PCDHA9: variants seen among roughly 807,000 people sequenced by gnomAD.
PCDHA9 encodes protocadherin alpha-9.
PCDHA9 carries 62 observed loss-of-function variants against 62.0 expected under a neutral mutation model. The ratio of observed to expected loss-of-function variants is 1.00; its 90% CI spans 0.81 to 1.23. The LOEUF is 1.23. Ranked by LOEUF, PCDHA9 falls within the 50% of genes most tolerant of loss-of-function variation. The probability of loss-of-function intolerance (pLI) is 0.00; values close to 1 mark genes in which losing one functional copy is unlikely to be tolerated. For synonymous variants in PCDHA9, 557 were observed against 567.6 expected, an observed-to-expected ratio of 0.98 and a Z score of 0.27; for missense variants, 1,205 against 1,249.8, an observed-to-expected ratio of 0.96 and a Z score of 0.54.
chr5:140,990,852 A>T (rs1265916406), intron 3 of PCDHA9, among the ~76,000 whole-genome samples: 2 of 152,198 alleles, frequency 1.3e-5, no homozygotes, highest in Non-Finnish European at 1.5e-5. Context: ...TAGAGCCCTG[A>T]GGACATTGTA....
intron 1 of PCDHA9, among the ~76,000 whole-genome samples, chr5:140,922,406 G>C (rs1411149387): frequency 9.8e-5 from 15 of 152,288 alleles, no homozygotes; most frequent in African/African-American, 3.6e-4. Flanking sequence ...GGATTAAAAA[G>C]ATCTAGGTAC....
intron 1 of PCDHA9, among the ~76,000 whole-genome samples, chr5:140,933,279 C>T (rs992723234): frequency 6.6e-6 from 1 of 151,840 alleles, no homozygotes; most frequent in African/African-American, 2.4e-5. Flanking sequence ...TCATTTGGAA[C>T]TTGTTTTGGA....
At chr5:140,935,760 T>C (rs1320272382) in intron 1 of PCDHA9, among the ~76,000 whole-genome samples, 1 of 152,152 alleles carries the variant, frequency 6.6e-6, no homozygotes, top group Non-Finnish European at 1.5e-5. Flanking sequence ...TACACATTCT[T>C]CCCCACTTTG....
At chr5:140,967,547 A>T in intron 1 of PCDHA9, 1 of 1,613,890 alleles carries the variant, frequency 6.2e-7, no homozygotes, top group Non-Finnish European at 8.5e-7. Flanking sequence ...TGACCAGTCC[A>T]CTTATCGCGT....
At chr5:141,003,832 G>C (rs1261830894) in intron 3 of PCDHA9, among the ~76,000 whole-genome samples, 1 of 152,102 alleles carries the variant, frequency 6.6e-6, no homozygotes, top group Non-Finnish European at 1.5e-5. Flanking sequence ...TCTGCCTAAC[G>C]ATTCAGACCC....
intron 1 of PCDHA9, among the ~76,000 whole-genome samples, chr5:140,905,357 A>G (rs1280254509): frequency 1.3e-5 from 2 of 152,052 alleles, no homozygotes; most frequent in African/African-American, 4.8e-5. Flanking sequence ...GTATTTGACT[A>G]TATTTCTGGT....
At chr5:140,962,786 A>G (rs1377248587) in intron 1 of PCDHA9, among the ~76,000 whole-genome samples, 6 of 152,216 alleles carry the variant, frequency 3.9e-5, no homozygotes, top group African/African-American at 1.4e-4. Context: ...ATTTTTAAAA[A>G]CTACTTTGGA....
chr5:140,967,385 C>G (rs2096135382), intron 1 of PCDHA9: 1 of 1,608,920 alleles, frequency 6.2e-7, no homozygotes, highest in African/African-American at 1.3e-5. Flanking sequence ...CAGTAAAGTG[C>G]TTGAGCTGGT....
At chr5:140,979,051 G>C in intron 2 of PCDHA9, 44 bp downstream of exon 2, 1 of 1,609,534 alleles carries the variant, frequency 6.2e-7, no homozygotes, top group East Asian at 2.2e-5. Flanking sequence ...ACCTTAACTT[G>C]GTATGGCTCA....
rs2150465360 is a variant in PCDHA9, at chr5:140,850,060, C to T, written c.1565C>T (p.Pro522Leu). ...AGCGGCAAGGTGTACGCGCTGCAGCCGTTGGACCACGAGGAGCTGGAGCTG... is the reference window on the plus strand; with the variant it reads ...AGCGGCAAGGTGTACGCGCTGCAGCTGTTGGACCACGAGGAGCTGGAGCTG... ...AESGKVYALQ[P>L]LDHEELELLQ... The change falls in exon 1 of 4, where the codon CCG becomes CTG. Residue 522 changes from proline to leucine, a missense_variant. Physicochemically the swap from Pro to Leu is moderately conservative, Grantham distance 98 (BLOSUM62 -3). Coordinates refer to ENST00000532602, the MANE Select transcript of PCDHA9 (RefSeq NM_031857.2). 5.0e-6 allele frequency: 8 copies of T among 1,596,516 alleles called. No homozygotes were observed. The highest frequency in any genetic ancestry group is 4.5e-5 in the East Asian group (2 of 44,826).
At position 140,979,295 on chromosome 5, in the gene PCDHA9, C is replaced by A. The variant is rs180999093; in HGVS notation, c.2453+288C>A. Among the ~76,000 whole-genome samples, 27 of 152,270 alleles carry A rather than the reference C, an allele frequency of 1.8e-4. 1 individual carries two copies. The highest frequency in any genetic ancestry group is 4.1e-4 in the African/African-American group (17 of 41,558). ...TTCTACAGGGAAGTAATTTCAACCT[C>A]CTTCATCCCTCTCTACCTATGCTTT... On this transcript the variant is annotated intron_variant, in intron 2 of 3. Coordinates refer to ENST00000532602, the MANE Select transcript of PCDHA9 (RefSeq NM_031857.2).
At chr5:140,883,662 A>G (rs371713279) in intron 1 of PCDHA9, 3 of 1,613,586 alleles carry the variant, frequency 1.9e-6, no homozygotes, top group Non-Finnish European at 2.5e-6. Context: ...GTGTTCGTGA[A>G]GGAAAACAAT....
At position 140,966,988 on chromosome 5, in the gene PCDHA9, G is replaced by C. The variant is rs782004679; in HGVS notation, c.2395-11961G>C. 1.2e-5 allele frequency: 20 copies of C among 1,603,962 alleles called. No homozygotes were observed. The African/African-American group carries it at 2.1e-4, about 17-fold the overall frequency. Reference sequence around the variant, plus strand: ...GGCTTGAGCTGCGGCGCTTGGGGCCGGGTTGCTTGCGCATCAACCATCTGG... The same window carrying C: ...GGCTTGAGCTGCGGCGCTTGGGGCCCGGTTGCTTGCGCATCAACCATCTGG... On this transcript the variant is annotated intron_variant, in intron 1 of 3. Transcript: ENST00000532602.
chr5:140,908,967 G>C (rs1039870615), intron 1 of PCDHA9, among the ~76,000 whole-genome samples: 4 of 152,076 alleles, frequency 2.6e-5, no homozygotes, highest in Non-Finnish European at 5.9e-5. Context: ...ATCTTGATAG[G>C]CCCCACTCCA....
intron 1 of PCDHA9, among the ~76,000 whole-genome samples, chr5:140,890,883 G>T (rs1339331273): frequency 1.3e-5 from 2 of 152,064 alleles, no homozygotes; most frequent in Non-Finnish European, 2.9e-5. Flanking sequence ...CCTTTCATCA[G>T]GGATTATTGT....
At chr5:140,906,265 TATAG>T (rs1455952624) in intron 1 of PCDHA9, among the ~76,000 whole-genome samples, 7 of 152,148 alleles carry the variant, frequency 4.6e-5, no homozygotes, top group African/African-American at 1.2e-4. Context: ...CTCCTGAAAT[TATAG>T]ATAATCTTCA....
intron 1 of PCDHA9, among the ~76,000 whole-genome samples, chr5:140,963,536 T>G (rs2095772178): frequency 6.6e-6 from 1 of 152,230 alleles, no homozygotes; most frequent in African/African-American, 2.4e-5. Flanking sequence ...TCCCATTTAC[T>G]TCATGATATA....
chr5:141,006,425 G>A (rs1483231288), intron 3 of PCDHA9, among the ~76,000 whole-genome samples: 2 of 152,080 alleles, frequency 1.3e-5, no homozygotes, highest in African/African-American at 4.8e-5. Context: ...GTGTTAGCCA[G>A]GATGGTCTCA....
At chr5:140,918,928 C>A (rs2078929450) in intron 1 of PCDHA9, among the ~76,000 whole-genome samples, 1 of 152,172 alleles carries the variant, frequency 6.6e-6, no homozygotes, top group South Asian at 2.1e-4. Context: ...CAGCATATGG[C>A]ATTTTGTTAT....
Sources: gnomAD v4.1 joint callset for allele counts (sites outside exome capture counted in the v4.1 genomes callset) on GRCh38, gnomAD v4.1.1 for gene constraint, MANE v1.5 for transcripts, NCBI Gene and HGNC (gene_info 2026-07-23, HGNC 2026-07-21) for gene names.